The following AP1S1 variants were observed in gnomAD, a reference collection of about 807,000 sequenced individuals.
AP1S1 encodes the protein AP-1 complex subunit sigma-1A.
AP1S1 carries 13 observed loss-of-function variants against 23.9 expected under a neutral mutation model. The ratio of observed to expected loss-of-function variants is 0.54; its 90% confidence interval spans 0.35 to 0.86. AP1S1 has a LOEUF of 0.86. Ranked by LOEUF, AP1S1 falls within the 40% of genes least tolerant of loss-of-function variation. The pLI is 0.01. For synonymous variants in AP1S1, 84 were observed against 77.7 expected (o/e 1.08, Z -0.43); for missense variants, 119 against 197.6 (o/e 0.60, Z 2.38).
chr7:101,160,923 G>A lies in AP1S1; in HGVS notation c.*357G>A. On this transcript the variant is annotated 3_prime_UTR_variant, in exon 5 of 5. Transcript: ENST00000337619. ...ATATGTCAGGTTAAAGGGAAAAGGT[G>A]TTCAGGGCACTTCTTGTCCTCTCTG... The A allele has an allele frequency of 2.3e-6, 1 of 434,036 alleles. No individual in the cohort carries two copies. The allele number at this position is 434,036 out of a possible 1,614,324, so 26.9% of individuals were successfully genotyped here.
intron 2 of AP1S1, among the ~76,000 whole-genome samples, chr7:101,157,115 G>A (rs192920580): frequency 4.3e-4 from 66 of 152,062 alleles, no homozygotes; most frequent in Non-Finnish European, 6.6e-4. Context: ...CCTTCTCCTC[G>A]GAGCAGGTAA....
chr7:101,156,858 A>C (rs1282101842), intron 2 of AP1S1, 86 bp downstream of exon 2: 1 of 1,245,892 alleles, frequency 8.0e-7, no homozygotes, highest in East Asian at 2.8e-5. Flanking sequence ...CCTGTAGGTC[A>C]GGGAGACCTG....
chr7:101,159,038 A>C (rs1797041465), intron 3 of AP1S1, 21 bp from the exon 4 acceptor site: 1 of 1,611,382 alleles, frequency 6.2e-7, no homozygotes, highest in African/African-American at 1.3e-5. Context: ...TGCTCAACTT[A>C]GCCTCTCCCC....
Position 101,160,655 on chromosome 7 carries a change from G to A in AP1S1, c.*89G>A. On this transcript the variant is annotated 3_prime_UTR_variant, in exon 5 of 5. Coordinates refer to ENST00000337619, the MANE Select transcript of AP1S1 (RefSeq NM_001283.5). ...TCTGCCCAGGGCCCTGTTCTTGGTG[G>A]GACTCGGCTGCCCCTCCTCTGCTGC... 6 of 1,483,570 alleles carry A rather than the reference G, an allele frequency of 4.0e-6. No individual in the cohort carries two copies. The highest frequency in any genetic ancestry group is 1.1e-5 in the South Asian group (1 of 87,382). 91.9% of individuals were successfully genotyped at this position (1,483,570 alleles called of 1,614,324 possible).
intron 4 of AP1S1, chr7:101,159,447 G>C: frequency 2.0e-6 from 1 of 505,478 alleles, no homozygotes; most frequent in Non-Finnish European, 3.5e-6. Flanking sequence ...CAAGCCCCCA[G>C]ATGTCTCGTG....
At position 101,155,761 on chromosome 7, in the gene AP1S1, A is replaced by G. The variant is rs183233333; in HGVS notation, c.4-833A>G. On this transcript the variant is annotated intron_variant, in intron 1 of 4. Transcript: ENST00000337619. ...CTATGATGGGGTGGAAAATTGAGGT[A>G]GCTTCTCCAGGGACAAAATACCAGA... Among the ~76,000 whole-genome samples, 25 of 152,258 alleles carry G rather than the reference A, an allele frequency of 1.6e-4. No homozygotes were observed. The East Asian group carries it at 3.1e-3, about 19-fold the overall frequency.
chr7:101,154,559 G>C, intron 1 of AP1S1, 42 bp downstream of exon 1: 1 of 1,552,862 alleles, frequency 6.4e-7, no homozygotes, highest in Non-Finnish European at 8.7e-7. Context: ...AGCGAGGGGC[G>C]TGGGCTGCAC....
chr7:101,156,848 C>T, intron 2 of AP1S1, 76 bp downstream of exon 2: 2 of 1,366,148 alleles, frequency 1.5e-6, no homozygotes, highest in Non-Finnish European at 1.9e-6. Context: ...AAATGGTCGT[C>T]CTGTAGGTCA....
Position 101,156,602 on chromosome 7 carries a change from C to A in AP1S1, c.12C>A (p.Phe4Leu). The change falls in exon 2 of 5, where the codon TTC (phenylalanine) becomes TTA (leucine). Residue 4 changes from phenylalanine (F) to leucine (L), a missense_variant. Physicochemically the swap from Phe to Leu is conservative, Grantham distance 22. Transcript: ENST00000337619. Reference sequence around the variant, plus strand: ...CCTCCCATCCCCCACAGATGCGGTTCATGCTATTATTCAGCCGGCAGGGAA... The same window carrying A: ...CCTCCCATCCCCCACAGATGCGGTTAATGCTATTATTCAGCCGGCAGGGAA... The part of the protein sequence containing the change: MMR[F>L]MLLFSRQGKL... The A allele has an allele frequency of 6.2e-7, 1 of 1,611,790 alleles. No homozygotes were observed. The highest frequency in any genetic ancestry group is 1.1e-5 in the South Asian group (1 of 90,294).
chr7:101,155,143 G>C, intron 1 of AP1S1: 1 of 606,180 alleles, frequency 1.6e-6, no homozygotes, highest in Non-Finnish European at 2.1e-6. Flanking sequence ...CAGGCCTTCC[G>C]TCTTCCTGCT....
chr7:101,160,479 C>G (rs1418348831), intron 4 of AP1S1, 40 bp from the exon 5 acceptor site: 1 of 1,606,618 alleles, frequency 6.2e-7, no homozygotes, highest in African/African-American at 1.3e-5. Context: ...TCGGCCTCTC[C>G]TGGTGTCTCT....
At chr7:101,157,351 G>C in intron 2 of AP1S1, 26 bp from the exon 3 acceptor site, 3 of 1,526,088 alleles carry the variant, frequency 2.0e-6, no homozygotes, top group Non-Finnish European at 2.7e-6. Flanking sequence ...AGCTTGTAGC[G>C]ATGTCTCATG....
chr7:101,159,817 G>A (rs1051169120), intron 4 of AP1S1, among the ~76,000 whole-genome samples: 1 of 151,764 alleles, frequency 6.6e-6, no homozygotes, highest in African/African-American at 2.4e-5. Context: ...ATGAGTCACC[G>A]GAATCTGCAG....
At chr7:101,157,175 A>G (rs949001422) in intron 2 of AP1S1, among the ~76,000 whole-genome samples, 3 of 152,174 alleles carry the variant, frequency 2.0e-5, no homozygotes, top group African/African-American at 7.2e-5. Flanking sequence ...GTCAGAGGGC[A>G]GGAAGGAAAA....
At chr7:101,160,413 G>C (rs139132282) in intron 4 of AP1S1, 106 bp from the exon 5 acceptor site, 1 of 1,351,496 alleles carries the variant, frequency 7.4e-7, no homozygotes, top group South Asian at 1.2e-5. Flanking sequence ...CCCCTCCCCC[G>C]TGTCTGTGCC....
chr7:101,159,970 ACACACACCCTGGCGCG>A (rs1797063760), intron 4 of AP1S1, among the ~76,000 whole-genome samples: 2 of 137,644 alleles, frequency 1.5e-5, no homozygotes, highest in East Asian at 2.3e-4. Flanking sequence ...ACACGCACAC[ACACACACCCTGGCGCG>A]CACACACACA....
chr7:101,158,235 G>A (rs935596623), intron 3 of AP1S1, among the ~76,000 whole-genome samples: 2 of 152,192 alleles, frequency 1.3e-5, no homozygotes, highest in Non-Finnish European at 2.9e-5. Flanking sequence ...CTTAGATGGG[G>A]CGTAGTAGTA....
intron 1 of AP1S1, chr7:101,155,026 C>T: frequency 3.0e-6 from 3 of 989,066 alleles, no homozygotes; most frequent in Non-Finnish European, 3.6e-6. Context: ...AGGCTGGGCC[C>T]AGGTAGGGAA....
chr7:101,154,551 C>T, intron 1 of AP1S1, 34 bp downstream of exon 1: 4 of 1,541,114 alleles, frequency 2.6e-6, no homozygotes, highest in East Asian at 2.4e-5. Flanking sequence ...GAGGGGGAAG[C>T]GAGGGGCGTG....
Sources: allele counts gnomAD v4.1 joint callset (sites outside exome capture counted in the v4.1 genomes callset), GRCh38; gene constraint gnomAD v4.1.1; transcripts MANE v1.5; gene names NCBI Gene and HGNC (gene_info 2026-07-23, HGNC 2026-07-21).